ABCA9: variants seen among roughly 807,000 people sequenced by gnomAD.
ABCA9 encodes the protein ATP-binding cassette sub-family A member 9.
A neutral mutation model predicts 205.3 loss-of-function variants in ABCA9; 183 were observed. The ratio of observed to expected loss-of-function variants is 0.89; its 90% CI spans 0.79 to 1.01. The LOEUF (loss-of-function observed/expected upper bound fraction) is 1.01, where lower values mean the gene tolerates loss of function less well. ABCA9 is among the 50% of genes least tolerant of loss of function. The pLI is 0.00. For missense variants in ABCA9, 1,805 were observed against 1,912.4 expected (o/e 0.94, Z 1.05); for synonymous variants, 651 against 683.3 (o/e 0.95, Z 0.74).
intron 20 of ABCA9, 128 bp from the exon 21 acceptor site, chr17:69,017,917 C>CCTT: frequency 9.6e-7 from 1 of 1,036,738 alleles, no homozygotes; most frequent in Non-Finnish European, 1.4e-6. Context: ...CTTAAAAAAG[C>CCTT]AGAATTGATG....
chr17:69,019,031 A>G (rs1202522037), intron 19 of ABCA9, among the ~76,000 whole-genome samples: 2 of 151,864 alleles, frequency 1.3e-5, no homozygotes, highest in African/African-American at 2.4e-5. Context: ...ATCATTTTCC[A>G]CCCATTTCTC....
At chr17:69,053,600 T>C (rs1456737560) in intron 1 of ABCA9, among the ~76,000 whole-genome samples, 2 of 151,878 alleles carry the variant, frequency 1.3e-5, no homozygotes, top group African/African-American at 4.8e-5. Context: ...ATTAGTAGAC[T>C]ACACACAGCT....
the ABCA9 span, among the ~76,000 whole-genome samples, chr17:69,066,198 G>A: frequency 4.0e-4 from 61 of 152,236 alleles, no homozygotes; most frequent in Non-Finnish European, 7.1e-4. Context: ...GTACCTCACT[G>A]TCTTTTAGGC....
At chr17:68,989,291 C>G in intron 30 of ABCA9, 173 bp from the exon 31 acceptor site, 1 of 518,286 alleles carries the variant, frequency 1.9e-6, no homozygotes, top group African/African-American at 1.9e-5. Flanking sequence ...CACACACACA[C>G]ACACCCCTGA....
rs563202638 is a variant in ABCA9 at position 68,997,278 on chromosome 17, TAG to T, written c.3436-1266_3436-1265del. ...TTTCTGTGTTTGCTTTCTTTCTATT[TAG>T]AGAGTTGTCTTTAATTTTTCCAAGT... is the stretch of plus-strand genomic sequence containing the variant. On this transcript the variant is annotated intron_variant, in intron 25 of 38. Coordinates refer to ENST00000340001, the MANE Select transcript of ABCA9 (RefSeq NM_080283.4). Among the ~76,000 whole-genome samples, 418 of 152,368 alleles carry T rather than the reference TAG, an allele frequency of 2.7e-3. 1 individual carries two copies. The highest frequency in any genetic ancestry group is 9.6e-3 in the African/African-American group (401 of 41,586).
intron 22 of ABCA9, 167 bp from the exon 23 acceptor site, chr17:69,012,250 A>G: frequency 1.9e-6 from 1 of 517,414 alleles, no homozygotes. Context: ...CCTGTATTGC[A>G]GCAACTAGGA....
In ABCA9 at chr17:68,985,615, C is replaced by T. The variant is rs186285970; in HGVS notation, c.4209-487G>A. On this transcript the variant is annotated intron_variant, in intron 32 of 38. Coordinates refer to ENST00000340001, the MANE Select transcript of ABCA9 (RefSeq NM_080283.4). ...CCAGCCTGATGACAGAGCAAGACTC[C>T]GTCTCAAAAAACAAAACAAACAAAA... Among the ~76,000 whole-genome samples, 1,277 of 151,970 alleles carry T rather than the reference C, an allele frequency of 8.4e-3. 12 individuals are homozygous for T. The highest frequency in any genetic ancestry group is 0.014 in the Non-Finnish European group (934 of 67,964).
chr17:68,992,873 G>A (rs551015328), intron 27 of ABCA9, 143 bp downstream of exon 27: 118 of 567,218 alleles, frequency 2.1e-4, no homozygotes, highest in South Asian at 2.0e-3. Flanking sequence ...GTGTGTGCAC[G>A]CATGCATGCA....
chr17:69,018,226 C>A (rs1156280157), intron 20 of ABCA9, 187 bp downstream of exon 20: 2 of 512,462 alleles, frequency 3.9e-6, no homozygotes, highest in Middle Eastern at 5.0e-4. Context: ...AGTAAACTTG[C>A]AGAATCTATT....
chr17:68,994,741 T>A (rs2069561650), intron 26 of ABCA9, among the ~76,000 whole-genome samples: 1 of 152,196 alleles, frequency 6.6e-6, no homozygotes, highest in South Asian at 2.1e-4. Flanking sequence ...ATATTAAGCA[T>A]GTGGAATGTC....
At chr17:69,018,368 C>T in intron 20 of ABCA9, 45 bp downstream of exon 20, 1 of 1,412,684 alleles carries the variant, frequency 7.1e-7, no homozygotes. Flanking sequence ...GGGAATCTCT[C>T]AACAAGAACA....
intron 28 of ABCA9, 33 bp downstream of exon 28, chr17:68,992,142 A>G (rs947945640): frequency 7.0e-7 from 1 of 1,427,392 alleles, no homozygotes; most frequent in Admixed American, 2.1e-5. Context: ...GAATATCAAA[A>G]TGAAACATGA....
At chr17:69,016,736 A>G (rs1219487187) in intron 21 of ABCA9, among the ~76,000 whole-genome samples, 1 of 152,110 alleles carries the variant, frequency 6.6e-6, no homozygotes, top group African/African-American at 2.4e-5. Context: ...TGACACATTC[A>G]TTTTATAAGT....
chr17:69,006,147 T>C (rs924896836), intron 25 of ABCA9, among the ~76,000 whole-genome samples: 1 of 152,224 alleles, frequency 6.6e-6, no homozygotes, highest in Admixed American at 6.5e-5. Flanking sequence ...TTCTTTCAAA[T>C]GTGAGGCATC....
chr17:68,986,174 C>T lies in ABCA9; in HGVS notation c.4198G>A (p.Ala1400Thr), dbSNP rs1386994010. ...KGLRKGDAMIAITRLVDALKL... is the reference protein window; with the variant it reads ...KGLRKGDAMITITRLVDALKL... The stretch of plus-strand genomic sequence containing the variant: ...CCCAGTCCCAGGTACCGTGTGATGG[C>T]GATCATTGCGTCCCCTTTCCTGAGA... The change falls in exon 32 of 39, where the codon GCC (alanine) becomes ACC (threonine). Residue 1400 changes from alanine (A) to threonine (T), a missense_variant. By Grantham distance (58) the Ala-to-Thr change is moderately conservative (BLOSUM62 0). Coordinates refer to ENST00000340001, the MANE Select transcript of ABCA9 (RefSeq NM_080283.4). 3 of 1,609,492 alleles carry T rather than the reference C, an allele frequency of 1.9e-6. No homozygotes were observed. Among genetic ancestry groups the T allele is most frequent in the African/African-American group, 1.3e-5 (1 of 74,768 alleles).
chr17:69,018,442 A>G lies in ABCA9; in HGVS notation c.2738T>C (p.Leu913Pro), dbSNP rs770773542. 3.5e-5 allele frequency: 56 copies of G among 1,600,446 alleles called. No homozygotes were observed. The highest frequency in any genetic ancestry group is 4.8e-5 in the Non-Finnish European group (56 of 1,175,978). Reference protein sequence around the residue: ...LSPGQQPQDPLTHLLVINKTG... With the variant: ...LSPGQQPQDPPTHLLVINKTG... The stretch of plus-strand genomic sequence containing the variant: ...CTTATTGATGACCAGTAAATGGGTC[A>G]GAGGATCCTGTGGTTGTTGTCCTGG... The change falls in exon 20 of 39, where the codon CTG (leucine) becomes CCG (proline). Residue 913 changes from leucine to proline, a missense_variant. Leu to Pro is a moderately conservative substitution (Grantham distance 98). Transcript: ENST00000340001.
At chr17:69,037,576 GA>G (rs2071386874) in intron 6 of ABCA9, among the ~76,000 whole-genome samples, 1 of 152,122 alleles carries the variant, frequency 6.6e-6, no homozygotes, top group African/African-American at 2.4e-5. Flanking sequence ...GTGTTTAGAG[GA>G]AAATTAATAG....
chr17:69,061,048 C>T (rs2072232434), upstream of ABCA9: 19 of 985,292 alleles, frequency 1.9e-5, no homozygotes, highest in Non-Finnish European at 2.3e-5. Context: ...TTCAGCTAGC[C>T]TGCCAAAATA....
At chr17:69,057,830 A>G (rs1369905061) in intron 1 of ABCA9, among the ~76,000 whole-genome samples, 1 of 150,546 alleles carries the variant, frequency 6.6e-6, no homozygotes, top group Non-Finnish European at 1.5e-5. Context: ...AACATGTAGA[A>G]GCTTTTTTTT....
Sources: allele counts gnomAD v4.1 joint callset (sites outside exome capture counted in the v4.1 genomes callset), GRCh38; gene constraint gnomAD v4.1.1; transcripts MANE v1.5; gene names NCBI Gene and HGNC (gene_info 2026-07-23, HGNC 2026-07-21).